EPHA7: variants seen among roughly 807,000 people sequenced by gnomAD.
EPHA7 encodes ephrin type-A receptor 7.
A neutral mutation model predicts 112.6 loss-of-function variants in EPHA7; 25 were observed. The ratio of observed to expected loss-of-function variants is 0.22; its 90% CI spans 0.16 to 0.31. The LOEUF is 0.31. EPHA7 is among the 10% of genes least tolerant of loss of function. The probability of loss-of-function intolerance (pLI) is 1.00; values close to 1 mark genes in which losing one functional copy is unlikely to be tolerated. For missense variants in EPHA7, 962 were observed against 1,212.6 expected (o/e 0.79, Z 3.07); for synonymous variants, 437 against 406.5 (o/e 1.07, Z -0.90).
At chr6:93,368,469 A>G (rs1459473549) in intron 3 of EPHA7, among the ~76,000 whole-genome samples, 2 of 152,084 alleles carry the variant, frequency 1.3e-5, no homozygotes, top group Non-Finnish European at 2.9e-5. Context: ...AGGCTAATGA[A>G]GGATCTGGCA....
At chr6:93,362,071 T>C (rs1484248777) in intron 3 of EPHA7, among the ~76,000 whole-genome samples, 1 of 152,108 alleles carries the variant, frequency 6.6e-6, no homozygotes, top group African/African-American at 2.4e-5. Flanking sequence ...CATGAAGGCC[T>C]AGGATTGATT....
At chr6:93,257,736 AGTCACT>A (rs1770502464) in intron 11 of EPHA7, among the ~76,000 whole-genome samples, 1 of 152,074 alleles carries the variant, frequency 6.6e-6, no homozygotes, top group Non-Finnish European at 1.5e-5. Flanking sequence ...TATAAATAAA[AGTCACT>A]GTGTTCTTCT....
intron 5 of EPHA7, among the ~76,000 whole-genome samples, chr6:93,324,537 T>A (rs1774224656): frequency 6.6e-6 from 1 of 151,336 alleles, no homozygotes; most frequent in Non-Finnish European, 1.5e-5. Context: ...AACATGTAAG[T>A]GCACAATAAG....
At chr6:93,359,517 A>G (rs1776134776) in intron 3 of EPHA7, among the ~76,000 whole-genome samples, 2 of 152,010 alleles carry the variant, frequency 1.3e-5, no homozygotes, top group South Asian at 4.1e-4. Context: ...ATAAAAATTT[A>G]GCATTTAATT....
At chr6:93,360,778 T>G (rs1776224015) in intron 3 of EPHA7, among the ~76,000 whole-genome samples, 2 of 152,032 alleles carry the variant, frequency 1.3e-5, no homozygotes, top group South Asian at 4.1e-4. Context: ...GAAAACAGAT[T>G]TAAAGCAAAA....
At chr6:93,301,696 T>A (rs1772984428) in intron 5 of EPHA7, among the ~76,000 whole-genome samples, 1 of 152,198 alleles carries the variant, frequency 6.6e-6, no homozygotes, top group Non-Finnish European at 1.5e-5. Context: ...TATGTAATCC[T>A]GGGAAAACCC....
chr6:93,338,296 A>T lies in EPHA7; in HGVS notation c.1324+18421T>A, dbSNP rs548655731. Among the ~76,000 whole-genome samples, 201 of 152,144 alleles carry T rather than the reference A, an allele frequency of 1.3e-3. 1 individual carries two copies. The Middle Eastern group carries it at 0.017, about 13-fold the overall frequency. ...CAGCTTCCTAATTCTTGCTTTTTAC[A>T]TTTAATAGTTTGAAATAGTCTAAGC... On this transcript the variant is annotated intron_variant, in intron 5 of 16. Coordinates refer to ENST00000369303, the MANE Select transcript of EPHA7 (RefSeq NM_004440.4).
At chr6:93,308,321 A>C (rs1284681980) in intron 5 of EPHA7, among the ~76,000 whole-genome samples, 2 of 152,162 alleles carry the variant, frequency 1.3e-5, no homozygotes, top group African/African-American at 4.8e-5. Context: ...CTACTGTAGA[A>C]TAGATTACAT....
chr6:93,350,631 C>T (rs1323106916), intron 5 of EPHA7, among the ~76,000 whole-genome samples: 2 of 151,872 alleles, frequency 1.3e-5, no homozygotes, highest in African/African-American at 4.8e-5. Context: ...CTAAAGAGAC[C>T]TTTGAAGATA....
chr6:93,364,501 G>A lies in EPHA7; in HGVS notation c.833-6090C>T, dbSNP rs951754267. Among the ~76,000 whole-genome samples, 6 of 147,344 alleles carry A rather than the reference G, an allele frequency of 4.1e-5. No individual in the cohort carries two copies. In the East Asian group the frequency reaches 6.0e-4, roughly 15 times the overall value. On this transcript the variant is annotated intron_variant, in intron 3 of 16. Transcript: ENST00000369303. Reference sequence around the variant, plus strand: ...ATGGTGCCACTGCACTCCATCCAGCGTGGGGCTTAGGCGACAGGAGCGAAA... The same window carrying A: ...ATGGTGCCACTGCACTCCATCCAGCATGGGGCTTAGGCGACAGGAGCGAAA...
At chr6:93,253,733 C>T (rs180710799) in intron 14 of EPHA7, among the ~76,000 whole-genome samples, 1 of 152,188 alleles carries the variant, frequency 6.6e-6, no homozygotes, top group Non-Finnish European at 1.5e-5. Flanking sequence ...CAGTGTGCTT[C>T]CTTAGAGAAT....
At chr6:93,272,086 T>A (rs1771250416) in intron 6 of EPHA7, among the ~76,000 whole-genome samples, 1 of 151,924 alleles carries the variant, frequency 6.6e-6, no homozygotes, top group Admixed American at 6.6e-5. Flanking sequence ...GATACTTTCA[T>A]TTGTGTAACA....
chr6:93,417,564 C>A (rs1012451998), intron 1 of EPHA7, among the ~76,000 whole-genome samples: 1 of 152,212 alleles, frequency 6.6e-6, no homozygotes, highest in Non-Finnish European at 1.5e-5. Flanking sequence ...AACCTCTCCC[C>A]CTAGTGATGC....
At chr6:93,414,819 A>T in intron 1 of EPHA7, 52 bp from the exon 2 acceptor site, 2 of 1,386,982 alleles carry the variant, frequency 1.4e-6, no homozygotes, top group Non-Finnish European at 2.0e-6. Context: ...TTACGCACAC[A>T]TGTAGACATT....
intron 3 of EPHA7, among the ~76,000 whole-genome samples, chr6:93,382,852 GT>G (rs1777407900): frequency 6.6e-6 from 1 of 152,044 alleles, no homozygotes; most frequent in South Asian, 2.1e-4. Flanking sequence ...TTTTCAAAAG[GT>G]ATCACTACCA....
At chr6:93,414,605 G>T in intron 2 of EPHA7, 98 bp downstream of exon 2, 1 of 891,736 alleles carries the variant, frequency 1.1e-6, no homozygotes, top group Non-Finnish European at 1.8e-6. Flanking sequence ...GAATTAAACA[G>T]TTTATACATG....
At chr6:93,407,630 T>A (rs1778784858) in intron 3 of EPHA7, among the ~76,000 whole-genome samples, 1 of 152,084 alleles carries the variant, frequency 6.6e-6, no homozygotes. Context: ...CTTGCCTCCT[T>A]TAACCGTGTA....
chr6:93,257,370 G>A (rs573034697), intron 12 of EPHA7, 92 bp downstream of exon 12: 50 of 859,196 alleles, frequency 5.8e-5, no homozygotes, highest in Non-Finnish European at 8.1e-5. Context: ...TATTTTACAA[G>A]GCTCTCATTT....
chr6:93,253,725 G>C (rs1770316698), intron 14 of EPHA7, among the ~76,000 whole-genome samples: 1 of 152,024 alleles, frequency 6.6e-6, no homozygotes, highest in Admixed American at 6.6e-5. Flanking sequence ...CAACTTTCCA[G>C]TGTGCTTCCT....
Sources: allele counts gnomAD v4.1 joint callset (sites outside exome capture counted in the v4.1 genomes callset), GRCh38; gene constraint gnomAD v4.1.1; transcripts MANE v1.5; gene names NCBI Gene and HGNC (gene_info 2026-07-23, HGNC 2026-07-21).